Variants in GPHN observed in about 807,000 individuals in gnomAD.
GPHN encodes the protein gephyrin.
Under a neutral mutation model 95.5 loss-of-function variants are expected in GPHN, and 17 were observed. The observed-to-expected ratio is 0.18, with a 90% confidence interval of 0.12 to 0.27. The LOEUF (loss-of-function observed/expected upper bound fraction) is 0.27, where lower values mean the gene tolerates loss of function less well. Among genes scored for constraint, GPHN ranks in the 10% least tolerant of loss-of-function variants. GPHN has a pLI of 1.00. For missense variants in GPHN, 660 were observed against 978.1 expected, an observed-to-expected ratio of 0.67 and a Z score of 4.34; for synonymous variants, 320 against 322.5, an observed-to-expected ratio of 0.99 and a Z score of 0.08.
intron 10 of GPHN, among the ~76,000 whole-genome samples, chr14:67,026,941 CT>C (rs2073956322): frequency 6.6e-6 from 1 of 152,140 alleles, no homozygotes; most frequent in Admixed American, 6.5e-5. Flanking sequence ...CGCGCCCAGC[CT>C]TATAGCCCAC....
rs1235288151 is a variant in GPHN, at chr14:66,735,838, AAG to A, written c.144-40622_144-40621del. Among the ~76,000 whole-genome samples the A allele has an allele frequency of 8.5e-5, 13 of 152,298 alleles. No individual in the cohort carries two copies. The South Asian group carries it at 2.5e-3, about 29-fold the overall frequency. ...AGACTATACTATAGAAGCATAGAGA[AAG>A]AGAAATAATATTTACTGGGTACCTA... On this transcript the variant is annotated intron_variant, in intron 2 of 22. Transcript: ENST00000478722.
At chr14:66,906,359 G>A (rs1039734227) in intron 5 of GPHN, among the ~76,000 whole-genome samples, 3 of 152,128 alleles carry the variant, frequency 2.0e-5, no homozygotes, top group African/African-American at 7.2e-5. Context: ...GTTAAGGCAG[G>A]GACAGGTCTA....
the GPHN span, among the ~76,000 whole-genome samples, chr14:67,501,247 C>T: frequency 3.2e-4 from 48 of 152,086 alleles, no homozygotes; most frequent in Non-Finnish European, 6.6e-4. Flanking sequence ...TTAGGAGAAA[C>T]GGAGGGATTG....
chr14:66,594,200 G>C (rs1339464060), intron 1 of GPHN, among the ~76,000 whole-genome samples: 2 of 152,058 alleles, frequency 1.3e-5, no homozygotes, highest in South Asian at 4.1e-4. Context: ...CCATGTTCAT[G>C]AATTGAAAGG....
intron 4 of GPHN, chr14:66,842,790 C>A: frequency 9.4e-7 from 1 of 1,062,198 alleles, no homozygotes; most frequent in Non-Finnish European, 1.4e-6. Flanking sequence ...CTTTTATCAT[C>A]ATAAAAAATG....
chr14:66,598,273 G>A (rs1280992261), intron 1 of GPHN, among the ~76,000 whole-genome samples: 1 of 152,126 alleles, frequency 6.6e-6, no homozygotes, highest in Admixed American at 6.5e-5. Context: ...TAGATTTTAA[G>A]TGTTCGTACC....
At chr14:66,607,874 G>A (rs2062613192) in intron 1 of GPHN, among the ~76,000 whole-genome samples, 1 of 151,690 alleles carries the variant, frequency 6.6e-6, no homozygotes, top group African/African-American at 2.4e-5. Flanking sequence ...GTGCTTATTT[G>A]GATCTTCCCT....
intron 3 of GPHN, among the ~76,000 whole-genome samples, chr14:66,783,189 T>C (rs1172638684): frequency 6.6e-6 from 1 of 152,160 alleles, no homozygotes; most frequent in Non-Finnish European, 1.5e-5. Context: ...CCTTATAGTT[T>C]CAGTTGAGTC....
At chr14:66,734,613 G>A (rs2072091207) in intron 2 of GPHN, among the ~76,000 whole-genome samples, 1 of 152,056 alleles carries the variant, frequency 6.6e-6, no homozygotes, top group Non-Finnish European at 1.5e-5. Context: ...TATCTTTGTT[G>A]TAGCTATCTT....
intron 9 of GPHN, among the ~76,000 whole-genome samples, chr14:67,022,541 CTTTTTTTT>C (rs1214143019): frequency 9.5e-4 from 18 of 18,880 alleles, no homozygotes; most frequent in South Asian, 4.9e-3. Flanking sequence ...ATTATTTTTC[CTTTTTTTT>C]TTTTTTTTTT....
At chr14:66,874,028 C>T (rs1451823405) in intron 4 of GPHN, among the ~76,000 whole-genome samples, 7 of 152,162 alleles carry the variant, frequency 4.6e-5, no homozygotes, top group African/African-American at 1.4e-4. Context: ...AGGTGAATGC[C>T]GCTCTGGGAC....
intron 2 of GPHN, among the ~76,000 whole-genome samples, chr14:66,750,873 G>T (rs1182770568): frequency 2.0e-5 from 3 of 151,868 alleles, no homozygotes; most frequent in Non-Finnish European, 2.9e-5. Flanking sequence ...AGGTAAGTTG[G>T]CACAAGTGAC....
At chr14:67,519,767 G>T in the GPHN span, among the ~76,000 whole-genome samples, 1 of 150,538 alleles carries the variant, frequency 6.6e-6, no homozygotes, top group Non-Finnish European at 1.5e-5. Context: ...CTGTTGCCCA[G>T]CCTGGAGTGC....
chr14:66,948,649 C>T (rs1020163064), intron 8 of GPHN, among the ~76,000 whole-genome samples: 9 of 152,196 alleles, frequency 5.9e-5, no homozygotes, highest in African/African-American at 2.2e-4. Flanking sequence ...ATTTCACATA[C>T]TACCAGAAAC....
the GPHN span, among the ~76,000 whole-genome samples, chr14:67,326,220 G>A: frequency 6.6e-5 from 2 of 30,344 alleles, no homozygotes; most frequent in African/African-American, 1.3e-4. Context: ...ATTTAGGTCT[G>A]ATTTTTTTTT....
At chr14:67,367,525 C>T in the GPHN span, among the ~76,000 whole-genome samples, 2 of 145,966 alleles carry the variant, frequency 1.4e-5, no homozygotes, top group South Asian at 2.2e-4. Context: ...CACCACGCCC[C>T]ACCCCATCCA....
the GPHN span, chr14:67,348,927 C>G: frequency 9.8e-7 from 1 of 1,020,732 alleles, no homozygotes; most frequent in Non-Finnish European, 1.5e-6. Flanking sequence ...TCAACTTGTT[C>G]TAAGTAGAAG....
intron 3 of GPHN, among the ~76,000 whole-genome samples, chr14:66,788,323 A>G (rs1283176147): frequency 2.6e-5 from 4 of 152,254 alleles, no homozygotes; most frequent in African/African-American, 9.6e-5. Flanking sequence ...AAGAGGATCA[A>G]AACAAGACAA....
At chr14:66,565,790 T>C (rs1453372120) in intron 1 of GPHN, among the ~76,000 whole-genome samples, 1 of 152,148 alleles carries the variant, frequency 6.6e-6, no homozygotes, top group African/African-American at 2.4e-5. Flanking sequence ...AACTAACAGA[T>C]ATTAACTTAC....
Sources: gnomAD v4.1 joint callset for allele counts (sites outside exome capture counted in the v4.1 genomes callset) on GRCh38, gnomAD v4.1.1 for gene constraint, MANE v1.5 for transcripts, NCBI Gene and HGNC (gene_info 2026-07-23, HGNC 2026-07-21) for gene names.